GRAMD2B: variants seen among roughly 807,000 people sequenced by gnomAD.
GRAMD2B encodes GRAM domain containing 2B.
Under a neutral mutation model 59.2 loss-of-function variants are expected in GRAMD2B, and 41 were observed. That is an observed-to-expected ratio of 0.69 (90% CI 0.54 to 0.90). The LOEUF is 0.90. Ranked by LOEUF, GRAMD2B falls within the 40% of genes least tolerant of loss-of-function variation. The pLI is 0.00. For missense variants in GRAMD2B, 424 were observed against 500.5 expected (o/e 0.85, Z 1.46); for synonymous variants, 161 against 182.7 (o/e 0.88, Z 0.96).
At chr5:126,470,556 A>G (rs77508425) in intron 3 of GRAMD2B, among the ~76,000 whole-genome samples, 6,496 of 151,948 alleles carry the variant, frequency 0.043, 481 homozygotes, top group African/African-American at 0.15. Context: ...TGTAATTGCT[A>G]TGTCTTTTCT....
chr5:126,399,507 T>C (rs1411074661), intron 1 of GRAMD2B, among the ~76,000 whole-genome samples: 4 of 152,110 alleles, frequency 2.6e-5, no homozygotes, highest in South Asian at 2.1e-4. Flanking sequence ...TTTTGCTCTC[T>C]CCTCCCACCA....
chr5:126,492,034 C>A (rs2126995854), intron 13 of GRAMD2B, among the ~76,000 whole-genome samples: 1 of 152,256 alleles, frequency 6.6e-6, no homozygotes, highest in African/African-American at 2.4e-5. Flanking sequence ...CACCCGGCTT[C>A]TATGAATTCT....
At chr5:126,481,199 AAAAAAAAGAAAGAAAGAAAG>A (rs1318194991) in intron 8 of GRAMD2B, among the ~76,000 whole-genome samples, 3 of 92,344 alleles carry the variant, frequency 3.2e-5, no homozygotes, top group Admixed American at 1.1e-4. Context: ...TGTAAAAAAA[AAAAAAAAGAAAGAAAGAAAG>A]AAAGAAAGAA....
chr5:126,480,296 A>C, intron 6 of GRAMD2B, 160 bp from the exon 7 acceptor site: 1 of 573,376 alleles, frequency 1.7e-6, no homozygotes, highest in Non-Finnish European at 3.1e-6. Context: ...GGAATGGAAT[A>C]AAAATGGAAT....
In GRAMD2B at chr5:126,457,063, G is replaced by T. The variant is rs181578861; in HGVS notation, c.84-8363G>T. On this transcript the variant is annotated intron_variant, in intron 1 of 13. Transcript: ENST00000285689. The stretch of plus-strand genomic sequence containing the variant: ...AAAAATTAGCTGGGCATGGTGGCAG[G>T]CGCCTGTAGTCCCAGCTACTCGGGA... 2.0e-5 allele frequency among the ~76,000 whole-genome samples: 3 copies of T among 151,988 alleles called. No individual in the cohort carries two copies. The East Asian group carries it at 5.8e-4, about 29-fold the overall frequency.
chr5:126,392,740 G>T (rs538140569), intron 1 of GRAMD2B, among the ~76,000 whole-genome samples: 1 of 152,138 alleles, frequency 6.6e-6, no homozygotes, highest in South Asian at 2.1e-4. Flanking sequence ...TGCGGGATGG[G>T]AAACGGTTTC....
intron 1 of GRAMD2B, among the ~76,000 whole-genome samples, chr5:126,430,703 GA>G (rs1391323929): frequency 6.6e-6 from 1 of 152,054 alleles, no homozygotes; most frequent in Non-Finnish European, 1.5e-5. Flanking sequence ...AAAAGAAAAA[GA>G]AAAGAAAGGG....
At chr5:126,485,924 G>A (rs900796431) in intron 11 of GRAMD2B, 151 bp downstream of exon 11, 1 of 568,424 alleles carries the variant, frequency 1.8e-6, no homozygotes, top group East Asian at 3.2e-5. Flanking sequence ...TCCTACTTCA[G>A]GTTTTTTTCC....
chr5:126,419,296 C>A (rs1759514722), upstream of GRAMD2B, among the ~76,000 whole-genome samples: 1 of 152,034 alleles, frequency 6.6e-6, no homozygotes, highest in African/African-American at 2.4e-5. Flanking sequence ...ACCATCTTCA[C>A]ATGGTGAAGC....
chr5:126,395,556 G>T (rs1757286974), intron 1 of GRAMD2B, among the ~76,000 whole-genome samples: 1 of 152,136 alleles, frequency 6.6e-6, no homozygotes, highest in Admixed American at 6.5e-5. Context: ...AAATGAACTT[G>T]CATTCACAAA....
At chr5:126,425,963 A>AAT (rs1447145038) in intron 1 of GRAMD2B, among the ~76,000 whole-genome samples, 2 of 152,022 alleles carry the variant, frequency 1.3e-5, no homozygotes, top group East Asian at 3.9e-4. Context: ...ATTAGTGAAT[A>AAT]ATAATATGTT....
chr5:126,437,426 G>C (rs1762590236), intron 1 of GRAMD2B, among the ~76,000 whole-genome samples: 1 of 152,180 alleles, frequency 6.6e-6, no homozygotes, highest in Non-Finnish European at 1.5e-5. Flanking sequence ...TATTAAAAAT[G>C]AGTTCCCTTT....
intron 1 of GRAMD2B, chr5:126,360,502 G>C (rs1285829053): frequency 3.9e-6 from 6 of 1,537,090 alleles, no homozygotes; most frequent in Non-Finnish European, 8.8e-7. Context: ...TTTGGGAGTG[G>C]AGTGTGGCTT....
chr5:126,430,246 A>T (rs1761348042), intron 1 of GRAMD2B, among the ~76,000 whole-genome samples: 1 of 152,168 alleles, frequency 6.6e-6, no homozygotes, highest in Non-Finnish European at 1.5e-5. Flanking sequence ...AAGTAGACTA[A>T]TTTACATTCC....
chr5:126,483,388 G>A (rs1264396482), intron 8 of GRAMD2B, 75 bp from the exon 9 acceptor site: 2 of 836,444 alleles, frequency 2.4e-6, no homozygotes, highest in South Asian at 2.9e-5. Flanking sequence ...CTAGGTGAAA[G>A]GGCTGGGAGT....
At chr5:126,456,609 AT>A (rs1258235984) in intron 1 of GRAMD2B, among the ~76,000 whole-genome samples, 1 of 152,152 alleles carries the variant, frequency 6.6e-6, no homozygotes, top group Non-Finnish European at 1.5e-5. Context: ...ATTAAACCTT[AT>A]CTCTCAACTT....
Position 126,400,312 on chromosome 5 carries a change from A to T in GRAMD2B, c.125+28745A>T, listed in dbSNP as rs73783655. 1.9e-3 allele frequency among the ~76,000 whole-genome samples: 294 copies of T among 152,242 alleles called. 1 individual carries two copies. The highest frequency in any genetic ancestry group is 6.8e-3 in the African/African-American group (282 of 41,566). On this transcript the variant is annotated intron_variant, in intron 1 of 8. Coordinates refer to the GRAMD2B transcript ENST00000506445. ...ACAGTTAGCTTATTGTAAGCTGATAATAACTCCAATTTCATACAAAAACTC... is the reference window on the plus strand; with the variant it reads ...ACAGTTAGCTTATTGTAAGCTGATATTAACTCCAATTTCATACAAAAACTC...
intron 1 of GRAMD2B, among the ~76,000 whole-genome samples, chr5:126,450,780 G>C (rs1765210375): frequency 6.6e-6 from 1 of 152,108 alleles, no homozygotes; most frequent in Admixed American, 6.5e-5. Flanking sequence ...TGTAAGCCTT[G>C]GTGGCTTCCA....
At chr5:126,417,529 G>A (rs991425451) in intron 1 of GRAMD2B, among the ~76,000 whole-genome samples, 1 of 152,136 alleles carries the variant, frequency 6.6e-6, no homozygotes, top group African/African-American at 2.4e-5. Flanking sequence ...CTTCAAACCC[G>A]GCCTTTATCT....
Sources: allele counts gnomAD v4.1 joint callset (sites outside exome capture counted in the v4.1 genomes callset), GRCh38; gene constraint gnomAD v4.1.1; transcripts MANE v1.5; gene names NCBI Gene and HGNC (gene_info 2026-07-23, HGNC 2026-07-21).